SPCS2: variants seen among roughly 807,000 people sequenced by gnomAD.
SPCS2 encodes the protein signal peptidase complex subunit 2.
Under a neutral mutation model 22.3 loss-of-function variants are expected in SPCS2, and 3 were observed. The ratio of observed to expected loss-of-function variants is 0.13; its 90% CI spans 0.06 to 0.35. The LOEUF (loss-of-function observed/expected upper bound fraction) is 0.35. Among genes scored for constraint, SPCS2 ranks in the 10% least tolerant of loss-of-function variants. The probability of loss-of-function intolerance (pLI) is 1.00; values close to 1 mark genes in which losing one functional copy is unlikely to be tolerated. For missense variants in SPCS2, 169 were observed against 280.9 expected, an observed-to-expected ratio of 0.60 and a Z score of 2.85; for synonymous variants, 67 against 97.2, an observed-to-expected ratio of 0.69 and a Z score of 1.83.
chr11:74,959,554 G>A (rs1259277034), intron 1 of SPCS2, among the ~76,000 whole-genome samples: 1 of 152,100 alleles, frequency 6.6e-6, no homozygotes, highest in Non-Finnish European at 1.5e-5. Context: ...CACCACACCT[G>A]GCTAATTTTT....
intron 1 of SPCS2, among the ~76,000 whole-genome samples, chr11:74,958,474 C>T (rs748759652): frequency 6.6e-6 from 1 of 152,162 alleles, no homozygotes; most frequent in Non-Finnish European, 1.5e-5. Context: ...TCTTCCCAAA[C>T]TGAACATTTT....
At chr11:74,950,738 T>C (rs1469243717) in intron 1 of SPCS2, among the ~76,000 whole-genome samples, 1 of 152,156 alleles carries the variant, frequency 6.6e-6, no homozygotes, top group African/African-American at 2.4e-5. Context: ...AGAGTCAGGG[T>C]CTTACTGTGT....
intron 4 of SPCS2, among the ~76,000 whole-genome samples, chr11:74,970,556 C>T (rs1444877258): frequency 6.6e-6 from 1 of 152,160 alleles, no homozygotes; most frequent in African/African-American, 2.4e-5. Flanking sequence ...TGCATAATAG[C>T]CGCACAAATT....
At chr11:74,956,542 C>G (rs113273212) in intron 1 of SPCS2, among the ~76,000 whole-genome samples, 12 of 152,306 alleles carry the variant, frequency 7.9e-5, no homozygotes, top group African/African-American at 2.6e-4. Context: ...TCGTATTTTC[C>G]TGGCTGTACA....
chr11:74,957,290 G>C (rs1207987254), intron 1 of SPCS2, among the ~76,000 whole-genome samples: 1 of 152,098 alleles, frequency 6.6e-6, no homozygotes, highest in East Asian at 1.9e-4. Flanking sequence ...TGAGAGGCTT[G>C]GCAGTTTCCT....
chr11:74,955,861 T>TATATATATAG (rs1261977977), intron 1 of SPCS2, among the ~76,000 whole-genome samples: 1 of 91,168 alleles, frequency 1.1e-5, no homozygotes, highest in African/African-American at 6.6e-5. Flanking sequence ...AATATATATA[T>TATATATATAG]ATATATATAT....
At chr11:74,974,763 A>C (rs577063) in intron 4 of SPCS2, among the ~76,000 whole-genome samples, 1 of 151,918 alleles carries the variant, frequency 6.6e-6, no homozygotes, top group Non-Finnish European at 1.5e-5. Context: ...TACAGGCACC[A>C]GCCACCACGT....
At chr11:74,950,614 G>A (rs1409642525) in intron 1 of SPCS2, among the ~76,000 whole-genome samples, 1 of 152,190 alleles carries the variant, frequency 6.6e-6, no homozygotes, top group Non-Finnish European at 1.5e-5. Flanking sequence ...TTAGCTCACT[G>A]CGGCCTTGAA....
chr11:74,971,917 A>C (rs1367792767), intron 4 of SPCS2, among the ~76,000 whole-genome samples: 1 of 152,180 alleles, frequency 6.6e-6, no homozygotes, highest in Non-Finnish European at 1.5e-5. Flanking sequence ...TAAGTTATCC[A>C]AGTTTCCAGT....
intron 1 of SPCS2, among the ~76,000 whole-genome samples, chr11:74,950,272 A>C: frequency 6.6e-6 from 1 of 152,202 alleles, no homozygotes; most frequent in East Asian, 1.9e-4. Context: ...TCTCATCTGC[A>C]AAGTGAGAGA....
intron 1 of SPCS2, among the ~76,000 whole-genome samples, chr11:74,950,039 T>G (rs76629384): frequency 0.015 from 2,239 of 152,128 alleles, 34 homozygotes; most frequent in South Asian, 0.038. Context: ...GCTTGCCCCT[T>G]TCCTCCCTCT....
intron 1 of SPCS2, among the ~76,000 whole-genome samples, chr11:74,964,746 G>T (rs1948533632): frequency 6.6e-6 from 1 of 152,226 alleles, no homozygotes; most frequent in Non-Finnish European, 1.5e-5. Context: ...TCTGCATGGA[G>T]ACTGGCAACA....
chr11:74,953,971 T>C (rs943386717), intron 1 of SPCS2, among the ~76,000 whole-genome samples: 2 of 152,218 alleles, frequency 1.3e-5, no homozygotes, highest in Non-Finnish European at 2.9e-5. Flanking sequence ...ACAGCTTTAA[T>C]CTGTTTACAT....
chr11:74,951,726 CT>C (rs1227912110), intron 1 of SPCS2, among the ~76,000 whole-genome samples: 1 of 150,236 alleles, frequency 6.7e-6, no homozygotes, highest in Non-Finnish European at 1.5e-5. Flanking sequence ...AGGAGAATCG[CT>C]TGAACCCGGG....
chr11:74,974,524 G>T (rs540737721), intron 4 of SPCS2, among the ~76,000 whole-genome samples: 163 of 152,242 alleles, frequency 1.1e-3, no homozygotes, highest in African/African-American at 3.8e-3. Flanking sequence ...AGCAAATCCT[G>T]TTAGCTCCAC....
intron 1 of SPCS2, among the ~76,000 whole-genome samples, chr11:74,952,625 T>C (rs889499156): frequency 6.6e-6 from 1 of 152,180 alleles, no homozygotes; most frequent in Non-Finnish European, 1.5e-5. Context: ...CTCTGTTCCC[T>C]GTCCTTTGGA....
rs145820558 is a variant in SPCS2, at chr11:74,968,446, C to G, written c.360-1119C>G. ...AAGTGATTCTCCTGCCTCAGCCACA[C>G]AAGTAGCTGGGATTACGGGCCTGCA... On this transcript the variant is annotated intron_variant, in intron 3 of 4. Transcript: ENST00000263672. 6.9e-3 allele frequency among the ~76,000 whole-genome samples: 1,053 copies of G among 151,838 alleles called. 15 individuals carry two copies. The highest frequency in any genetic ancestry group is 0.024 in the African/African-American group (978 of 41,410).
intron 1 of SPCS2, among the ~76,000 whole-genome samples, chr11:74,957,985 T>G (rs1392773079): frequency 6.6e-6 from 1 of 152,258 alleles, no homozygotes; most frequent in Non-Finnish European, 1.5e-5. Flanking sequence ...TGTTTTAACT[T>G]TAAGCTCTTT....
At chr11:74,958,368 T>C (rs1948491397) in intron 1 of SPCS2, among the ~76,000 whole-genome samples, 1 of 152,236 alleles carries the variant, frequency 6.6e-6, no homozygotes, top group African/African-American at 2.4e-5. Context: ...AGATTCAGTG[T>C]GTTGCTAAGA....
Sources: gnomAD v4.1 joint callset for allele counts (sites outside exome capture counted in the v4.1 genomes callset) on GRCh38, gnomAD v4.1.1 for gene constraint, MANE v1.5 for transcripts, NCBI Gene and HGNC (gene_info 2026-07-23, HGNC 2026-07-21) for gene names.